WDR72: variants seen among roughly 807,000 people sequenced by gnomAD.
WDR72 encodes the protein WD repeat-containing protein 72.
A neutral mutation model predicts 124.2 loss-of-function variants in WDR72; 120 were observed. That is an observed-to-expected ratio of 0.97 (90% CI 0.83 to 1.12). WDR72 has a LOEUF of 1.12. WDR72 is among the 50% of genes most tolerant of loss of function. The probability of loss-of-function intolerance (pLI) is 0.00; values close to 1 mark genes in which losing one functional copy is unlikely to be tolerated. For synonymous variants in WDR72, 452 were observed against 441.7 expected, an observed-to-expected ratio of 1.02 and a Z score of -0.29; for missense variants, 1,387 against 1,278.8, an observed-to-expected ratio of 1.08 and a Z score of -1.29.
intron 18 of WDR72, among the ~76,000 whole-genome samples, chr15:53,566,291 G>C (rs1189231108): frequency 6.6e-6 from 1 of 151,956 alleles, no homozygotes; most frequent in African/African-American, 2.4e-5. Context: ...TATTAGCTCA[G>C]AGCAAGTGGT....
intron 13 of WDR72, among the ~76,000 whole-genome samples, chr15:53,694,960 C>G (rs1756133347): frequency 1.3e-5 from 2 of 152,084 alleles, no homozygotes; most frequent in African/African-American, 4.8e-5. Flanking sequence ...ACAGCGTCAC[C>G]CTCTCCTTTA....
chr15:53,564,569 A>G (rs748661936), intron 18 of WDR72, among the ~76,000 whole-genome samples: 1 of 151,936 alleles, frequency 6.6e-6, no homozygotes, highest in Non-Finnish European at 1.5e-5. Flanking sequence ...ATATTAGCAC[A>G]GGAACTAGGA....
chr15:53,645,431 A>C (rs1329386262), intron 14 of WDR72, among the ~76,000 whole-genome samples: 5 of 152,138 alleles, frequency 3.3e-5, no homozygotes, highest in Non-Finnish European at 4.4e-5. Flanking sequence ...TTTTAATTAT[A>C]GGTTTTGTGT....
intron 18 of WDR72, among the ~76,000 whole-genome samples, chr15:53,584,092 C>T (rs2012075581): frequency 6.6e-6 from 1 of 151,430 alleles, no homozygotes; most frequent in Admixed American, 6.6e-5. Flanking sequence ...TACATAATTA[C>T]ACAAAAAAGG....
chr15:53,554,925 C>A (rs1164054620), intron 18 of WDR72, among the ~76,000 whole-genome samples: 1 of 152,030 alleles, frequency 6.6e-6, no homozygotes, highest in East Asian at 1.9e-4. Flanking sequence ...TACAAATACT[C>A]CCACCATAAC....
rs1175129368 is a variant in WDR72, at chr15:53,616,116, G to A, written c.2090C>T (p.Pro697Leu). ...ENLVELLLPTPLSDVDSSSSF... is the reference protein window; with the variant it reads ...ENLVELLLPTLLSDVDSSSSF... Reference sequence around the variant, plus strand: ...ACTGGAAGAGTCAACATCACTGAGTGGAGTTGGTAGCAAAAGTTCAACAAG... The same window carrying A: ...ACTGGAAGAGTCAACATCACTGAGTAGAGTTGGTAGCAAAAGTTCAACAAG... The change falls in exon 15 of 20, where the codon CCA (proline) becomes CTA (leucine). Residue 697 changes from proline to leucine, a missense_variant. Physicochemically the swap from Pro to Leu is moderately conservative, Grantham distance 98 (BLOSUM62 -3). Coordinates refer to ENST00000360509, the MANE Select transcript of WDR72 (RefSeq NM_182758.4). 2 of 1,604,638 alleles carry A rather than the reference G, an allele frequency of 1.2e-6. No individual in the cohort carries two copies. The highest frequency in any genetic ancestry group is 1.1e-5 in the South Asian group (1 of 90,204).
At chr15:53,656,575 T>G (rs2015427857) in intron 14 of WDR72, among the ~76,000 whole-genome samples, 1 of 152,170 alleles carries the variant, frequency 6.6e-6, no homozygotes, top group African/African-American at 2.4e-5. Context: ...CTGTTGGGAT[T>G]GCTTTAAATG....
chr15:53,537,316 T>G (rs7178004), intron 18 of WDR72, among the ~76,000 whole-genome samples: 39,284 of 152,080 alleles, frequency 0.26, 5,305 homozygotes, highest in African/African-American at 0.33. Context: ...TACATATATT[T>G]CTTTCCTTTT....
At chr15:53,756,336 T>A (rs2018906060) in intron 1 of WDR72, among the ~76,000 whole-genome samples, 1 of 152,168 alleles carries the variant, frequency 6.6e-6, no homozygotes, top group Non-Finnish European at 1.5e-5. Flanking sequence ...TCCTGAGGCC[T>A]CCCCAGCCAC....
chr15:53,599,758 A>T (rs759676706), intron 17 of WDR72, among the ~76,000 whole-genome samples: 2 of 151,186 alleles, frequency 1.3e-5, no homozygotes, highest in African/African-American at 2.4e-5. Flanking sequence ...ATAATATCCT[A>T]TACAACTTGG....
At chr15:53,729,672 T>C (rs2140601143) in intron 2 of WDR72, among the ~76,000 whole-genome samples, 1 of 152,260 alleles carries the variant, frequency 6.6e-6, no homozygotes, top group East Asian at 1.9e-4. Context: ...TGTCATTGCC[T>C]GTGTTTGCAA....
chr15:53,720,761 A>T (rs1288943434), intron 3 of WDR72, among the ~76,000 whole-genome samples: 1 of 152,084 alleles, frequency 6.6e-6, no homozygotes, highest in Non-Finnish European at 1.5e-5. Flanking sequence ...TTTCTTTGGC[A>T]TTCTGTTGTT....
chr15:53,710,619 T>A (rs1033840336), intron 9 of WDR72, among the ~76,000 whole-genome samples: 2 of 152,232 alleles, frequency 1.3e-5, no homozygotes, highest in African/African-American at 2.4e-5. Flanking sequence ...AATTTTCCTA[T>A]AATAAATACA....
At chr15:53,660,812 G>C (rs998286533) in intron 14 of WDR72, among the ~76,000 whole-genome samples, 4 of 152,150 alleles carry the variant, frequency 2.6e-5, no homozygotes, top group African/African-American at 9.7e-5. Context: ...CCCGGTTTCT[G>C]TCACAGGTTA....
At position 53,715,279 on chromosome 15, in the gene WDR72, G is replaced by C. The variant is rs1221271352; in HGVS notation, c.428C>G (p.Thr143Ser). The change falls in exon 5 of 20, where the codon ACT (threonine) becomes AGT (serine). Residue 143 changes from threonine to serine, a missense_variant. Physicochemically the swap from Thr to Ser is moderately conservative, Grantham distance 58. Transcript: ENST00000360509. Reference protein sequence around the residue: ...YQDVLIIDAKTLAVVHSFRSS... With the variant: ...YQDVLIIDAKSLAVVHSFRSS... ...TCTAAAACTGTGAACAACAGCCAAA[G>C]TTTTGGCATCAATTATAAGGACATC... 8 of 1,613,992 alleles carry C rather than the reference G, an allele frequency of 5.0e-6. No individual in the cohort carries two copies. The highest frequency in any genetic ancestry group is 3.3e-5 in the Admixed American group (2 of 59,994).
chr15:53,635,440 T>C (rs1406890441), intron 14 of WDR72, among the ~76,000 whole-genome samples: 3 of 152,150 alleles, frequency 2.0e-5, no homozygotes, highest in South Asian at 2.1e-4. Flanking sequence ...CCTACACACA[T>C]GTGGATAGAA....
chr15:53,600,647 T>C (rs2013003324), intron 17 of WDR72, among the ~76,000 whole-genome samples: 1 of 152,200 alleles, frequency 6.6e-6, no homozygotes, highest in Admixed American at 6.5e-5. Context: ...ATCATGAAGA[T>C]GCATAAGAAC....
intron 1 of WDR72, among the ~76,000 whole-genome samples, chr15:53,753,893 A>G (rs1362454921): frequency 1.3e-5 from 2 of 152,060 alleles, no homozygotes; most frequent in African/African-American, 4.8e-5. Flanking sequence ...GGTAAATCTA[A>G]ATCCCCTGGC....
chr15:53,529,165 T>TATATATATATATATATATATACATA (rs1555404361), intron 18 of WDR72, among the ~76,000 whole-genome samples: 3 of 89,100 alleles, frequency 3.4e-5, no homozygotes, highest in African/African-American at 1.4e-4. Context: ...TATATATATA[T>TATATATATATATATATATATACATA]TTTTTTTTTT....
Sources: allele counts gnomAD v4.1 joint callset (sites outside exome capture counted in the v4.1 genomes callset), GRCh38; gene constraint gnomAD v4.1.1; transcripts MANE v1.5; gene names NCBI Gene and HGNC (gene_info 2026-07-23, HGNC 2026-07-21).